Variants in SHANK2 observed in about 807,000 individuals in gnomAD.
SHANK2 encodes the protein SH3 and multiple ankyrin repeat domains 2, also known as SH3 and multiple ankyrin repeat domains protein 2.
Under a neutral mutation model 133.7 loss-of-function variants are expected in SHANK2, and 43 were observed. That is an observed-to-expected ratio of 0.32 (90% CI 0.25 to 0.41). The LOEUF is 0.41. SHANK2 is among the 10% of genes least tolerant of loss of function. The pLI, the probability that SHANK2 is intolerant of heterozygous loss-of-function variation, is 1.00. For synonymous variants in SHANK2, 1,017 were observed against 952.8 expected, an observed-to-expected ratio of 1.07 and a Z score of -1.24; for missense variants, 1,994 against 2,235.8, an observed-to-expected ratio of 0.89 and a Z score of 2.18.
rs115488706 is a variant in SHANK2 at position 70,696,966 on chromosome 11, C to G, written c.1853+1722G>C. Among the ~76,000 whole-genome samples the G allele has an allele frequency of 8.9e-3, 1,363 of 152,300 alleles. 32 individuals are homozygous for G. Among genetic ancestry groups the G allele is most frequent in the African/African-American group, 0.031 (1,282 of 41,564 alleles). On this transcript the variant is annotated intron_variant, in intron 15 of 25. Transcript: ENST00000601538. ...AAGAAAATCCAGACACGCTACAACA[C>G]GAATGAACCTTGAAGACATTACGCT... is the stretch of plus-strand genomic sequence containing the variant.
chr11:70,910,761 C>A (rs1238859032), intron 10 of SHANK2, among the ~76,000 whole-genome samples: 3 of 150,894 alleles, frequency 2.0e-5, no homozygotes, highest in Admixed American at 2.0e-4. Context: ...GAGCTGAGAT[C>A]GCACAACTGC....
chr11:71,228,225 C>A (rs1352834854), intron 1 of SHANK2, among the ~76,000 whole-genome samples: 10 of 152,172 alleles, frequency 6.6e-5, no homozygotes, highest in African/African-American at 2.4e-4. Flanking sequence ...TAATTTGAAT[C>A]ATTTCCTACA....
chr11:70,603,457 T>C (rs1165094277), intron 17 of SHANK2: 1 of 152,226 alleles, frequency 6.6e-6, no homozygotes, highest in African/African-American at 2.4e-5. Flanking sequence ...ACCCTGACCC[T>C]GTCCAGCAGC....
chr11:70,573,375 G>A (rs1010281924), intron 17 of SHANK2, among the ~76,000 whole-genome samples: 117 of 150,134 alleles, frequency 7.8e-4, no homozygotes, highest in South Asian at 1.9e-3. Context: ...TTGTCACCTT[G>A]ACCTTGGCGA....
At chr11:71,224,064 G>A (rs1954601493) in intron 2 of SHANK2, among the ~76,000 whole-genome samples, 1 of 152,248 alleles carries the variant, frequency 6.6e-6, no homozygotes, top group Non-Finnish European at 1.5e-5. Flanking sequence ...ATACCCACGT[G>A]ACCGTGACCA....
At chr11:71,062,084 T>C (rs1198855071) in intron 9 of SHANK2, among the ~76,000 whole-genome samples, 1 of 148,894 alleles carries the variant, frequency 6.7e-6, no homozygotes, top group African/African-American at 2.5e-5. Context: ...GCCTCTCAAG[T>C]AGCTAGGATT....
rs1213859121 is a variant in SHANK2, at chr11:71,209,887, C to T, written c.-13+14810G>A. ...GTGGGGGCTCTCTGGGACAGCAGGA[C>T]GTGTCCATTCTTCACAAGACTCATC... On this transcript the variant is annotated intron_variant, in intron 2 of 25. Transcript: ENST00000601538. Among the ~76,000 whole-genome samples the T allele has an allele frequency of 2.6e-5, 4 of 152,140 alleles. No homozygotes were observed. In the East Asian group the frequency reaches 5.8e-4, roughly 22 times the overall value.
chr11:71,165,762 G>T (rs531235533), intron 2 of SHANK2, among the ~76,000 whole-genome samples: 1 of 152,140 alleles, frequency 6.6e-6, no homozygotes, highest in Non-Finnish European at 1.5e-5. Context: ...CATCTTTTAC[G>T]TGGTGTAGTC....
chr11:71,156,985 A>C (rs1368786963), intron 2 of SHANK2, among the ~76,000 whole-genome samples: 1 of 152,234 alleles, frequency 6.6e-6, no homozygotes, highest in Non-Finnish European at 1.5e-5. Context: ...CGCCTGAAAG[A>C]GGGATAGCAT....
chr11:71,094,732 C>T (rs568377669), intron 6 of SHANK2, 44 bp from the exon 7 acceptor site: 98 of 1,536,356 alleles, frequency 6.4e-5, no homozygotes, highest in Non-Finnish European at 8.3e-5. Context: ...ACATTTGTCA[C>T]ACTGCTCACA....
intron 15 of SHANK2, among the ~76,000 whole-genome samples, chr11:70,667,612 C>T (rs1421162239): frequency 6.6e-6 from 1 of 152,180 alleles, no homozygotes; most frequent in Admixed American, 6.5e-5. Flanking sequence ...CCTGGTCCAG[C>T]GGGCAGCAGG....
At chr11:71,201,074 C>A (rs1458216986) in intron 2 of SHANK2, among the ~76,000 whole-genome samples, 1 of 152,152 alleles carries the variant, frequency 6.6e-6, no homozygotes, top group African/African-American at 2.4e-5. Flanking sequence ...ACAGACACGA[C>A]AGTGATGGTT....
chr11:70,662,132 G>A, intron 15 of SHANK2: 1 of 363,736 alleles, frequency 2.7e-6, no homozygotes, highest in Non-Finnish European at 5.2e-6. Context: ...AGGGAAGCCC[G>A]GGAAAATCAG....
chr11:71,095,293 T>C lies in SHANK2; in HGVS notation c.593-605A>G, dbSNP rs376799314. 8.3e-4 allele frequency among the ~76,000 whole-genome samples: 127 copies of C among 152,312 alleles called. 1 individual carries two copies. The highest frequency in any genetic ancestry group is 2.7e-3 in the African/African-American group (113 of 41,572). On this transcript the variant is annotated intron_variant, in intron 6 of 25. Coordinates refer to ENST00000601538, the MANE Select transcript of SHANK2 (RefSeq NM_012309.5). ...GACAGAAGGATGCCGTCTGCCTTTG[T>C]AGGGACAAGGGTCCCGTGCAGATGA...
chr11:71,215,418 C>T (rs1954388181), intron 2 of SHANK2, among the ~76,000 whole-genome samples: 1 of 152,226 alleles, frequency 6.6e-6, no homozygotes, highest in Admixed American at 6.5e-5. Flanking sequence ...CTGCCCTGGT[C>T]ACCCCTGGCT....
intron 14 of SHANK2, among the ~76,000 whole-genome samples, chr11:70,755,470 T>C (rs1946847558): frequency 6.6e-6 from 1 of 152,216 alleles, no homozygotes; most frequent in Non-Finnish European, 1.5e-5. Context: ...ATCCCTGCCC[T>C]GTGAGCGTCC....
At chr11:70,624,774 C>A (rs2060881676) in intron 17 of SHANK2, among the ~76,000 whole-genome samples, 1 of 152,146 alleles carries the variant, frequency 6.6e-6, no homozygotes, top group Admixed American at 6.5e-5. Context: ...GCAGAGTGAT[C>A]CTGCTAGAAA....
At chr11:71,105,209 T>C (rs1345792898) in intron 6 of SHANK2, among the ~76,000 whole-genome samples, 1 of 152,116 alleles carries the variant, frequency 6.6e-6, no homozygotes, top group Non-Finnish European at 1.5e-5. Flanking sequence ...CGTGCTGCCA[T>C]GTGAAAGAAG....
rs957296439 is a variant in SHANK2 at position 71,070,053 on chromosome 11, T to C, written c.1029+5106A>G. ...GGTGACTCAGGAAGGAAAGAAGCTT[T>C]GGGTCAAGTACAACACGCAGTGCCT... is the stretch of plus-strand genomic sequence containing the variant. On this transcript the variant is annotated intron_variant, in intron 9 of 25. Transcript: ENST00000601538. Among the ~76,000 whole-genome samples the C allele has an allele frequency of 1.4e-4, 22 of 152,320 alleles. 1 individual carries two copies. Among genetic ancestry groups the C allele is most frequent in the Admixed American group, 1.4e-3 (21 of 15,306 alleles).
Sources: allele counts gnomAD v4.1 joint callset (sites outside exome capture counted in the v4.1 genomes callset), GRCh38; gene constraint gnomAD v4.1.1; transcripts MANE v1.5; gene names NCBI Gene and HGNC (gene_info 2026-07-23, HGNC 2026-07-21).